CNBD1: variants seen among roughly 807,000 people sequenced by gnomAD.
The protein encoded by CNBD1 is cyclic nucleotide-binding domain-containing protein 1.
CNBD1 carries 71 observed loss-of-function variants against 54.4 expected under a neutral mutation model. That is an observed-to-expected ratio of 1.30 (90% CI 1.08 to 1.59). The LOEUF (loss-of-function observed/expected upper bound fraction) is 1.59. Among genes scored for constraint, CNBD1 ranks in the 40% most tolerant of loss-of-function variants. CNBD1 has a pLI of 0.00. For synonymous variants in CNBD1, 182 were observed against 170.7 expected (o/e 1.07, Z -0.51); for missense variants, 659 against 518.0 (o/e 1.27, Z -2.64).
chr8:87,228,739 C>G (rs1003475150), intron 5 of CNBD1, among the ~76,000 whole-genome samples: 1 of 151,980 alleles, frequency 6.6e-6, no homozygotes, highest in African/African-American at 2.4e-5. Context: ...CAGAGGCAGG[C>G]AGGCCTCCTT....
At chr8:86,925,469 G>A (rs183000338) in intron 3 of CNBD1, among the ~76,000 whole-genome samples, 114 of 147,482 alleles carry the variant, frequency 7.7e-4, no homozygotes, top group African/African-American at 2.8e-3. Context: ...AAATATATAC[G>A]GGCTTACCAA....
At chr8:86,889,266 A>G (rs779171521) in intron 2 of CNBD1, among the ~76,000 whole-genome samples, 12 of 152,318 alleles carry the variant, frequency 7.9e-5, no homozygotes, top group Non-Finnish European at 1.3e-4. Context: ...GAATGAGGAT[A>G]AAATTACAAC....
At position 87,420,005 on chromosome 8, in the gene CNBD1, C is replaced by A. The variant is rs1285840051; in HGVS notation, c.214-8541C>A. On this transcript the variant is annotated intron_variant, in intron 2 of 7. Coordinates refer to the CNBD1 transcript ENST00000521593. ...ATAGCAATATGTAAGTATATTGAAT[C>A]CAGAAATATATAGAAAGCACTATAC... Among the ~76,000 whole-genome samples the A allele has an allele frequency of 4.0e-5, 6 of 149,732 alleles. No homozygotes were observed. The East Asian group carries it at 1.2e-3, about 29-fold the overall frequency.
intron 4 of CNBD1, among the ~76,000 whole-genome samples, chr8:87,062,892 G>C (rs1423421675): frequency 6.6e-6 from 1 of 152,090 alleles, no homozygotes; most frequent in Non-Finnish European, 1.5e-5. Flanking sequence ...TAAAAAAAAA[G>C]TTAGGATTTT....
At chr8:87,352,478 C>CAAAA (rs386413278) in intron 9 of CNBD1, among the ~76,000 whole-genome samples, 16,618 of 107,188 alleles carry the variant, frequency 0.16, 2,190 homozygotes, top group African/African-American at 0.34. Flanking sequence ...GACTCTGTCT[C>CAAAA]AAAAAAAAAA....
At chr8:87,295,370 T>C (rs1342880769) in intron 8 of CNBD1, among the ~76,000 whole-genome samples, 2 of 151,740 alleles carry the variant, frequency 1.3e-5, no homozygotes, top group Non-Finnish European at 2.9e-5. Context: ...ATTAATAATA[T>C]GATAAATGTG....
intron 4 of CNBD1, among the ~76,000 whole-genome samples, chr8:87,056,998 CAA>C (rs900718556): frequency 2.0e-5 from 3 of 152,118 alleles, no homozygotes. Flanking sequence ...TGCTTCCAAC[CAA>C]AAGAGTGTGG....
intron 3 of CNBD1, among the ~76,000 whole-genome samples, chr8:86,909,706 A>C (rs893290592): frequency 2.6e-5 from 4 of 152,116 alleles, no homozygotes; most frequent in Non-Finnish European, 5.9e-5. Flanking sequence ...TACTCTCCAA[A>C]CTTTATTGTC....
At chr8:86,984,057 G>T (rs1279895013) in intron 4 of CNBD1, among the ~76,000 whole-genome samples, 1 of 152,152 alleles carries the variant, frequency 6.6e-6, no homozygotes, top group Non-Finnish European at 1.5e-5. Flanking sequence ...GGTTTCATGG[G>T]CTGGGCCCAG....
At chr8:87,379,261 G>T (rs893435021) in intron 10 of CNBD1, among the ~76,000 whole-genome samples, 1 of 151,920 alleles carries the variant, frequency 6.6e-6, no homozygotes, top group Admixed American at 6.6e-5. Flanking sequence ...AAGAGACTTA[G>T]ACTCCCACAC....
chr8:87,295,978 G>T (rs141396034), intron 8 of CNBD1, among the ~76,000 whole-genome samples: 197 of 151,900 alleles, frequency 1.3e-3, no homozygotes, highest in African/African-American at 4.6e-3. Context: ...CTTATGTTTC[G>T]CTATGAATAT....
In CNBD1 at chr8:87,350,570, G is replaced by C. The variant is rs547818931; in HGVS notation, c.1043-1115G>C. ...TGTGCTCTAATTTCTTTACTATTTT[G>C]GTAACATCAATAATTTTTATTATGT... On this transcript the variant is annotated intron_variant, in intron 8 of 10. Transcript: ENST00000518476. Among the ~76,000 whole-genome samples, 107 of 151,602 alleles carry C rather than the reference G, an allele frequency of 7.1e-4. 1 individual carries two copies. Among genetic ancestry groups the C allele is most frequent in the African/African-American group, 2.5e-3 (105 of 41,454 alleles).
At chr8:87,180,951 A>G (rs1272956199) in intron 4 of CNBD1, among the ~76,000 whole-genome samples, 1 of 152,160 alleles carries the variant, frequency 6.6e-6, no homozygotes, top group South Asian at 2.1e-4. Flanking sequence ...CAGATGGGCC[A>G]CCATCTCTGC....
At chr8:87,231,233 A>G (rs185616788) in intron 5 of CNBD1, among the ~76,000 whole-genome samples, 18 of 152,296 alleles carry the variant, frequency 1.2e-4, no homozygotes, top group Admixed American at 7.8e-4. Context: ...AACATATATT[A>G]CTTTGTAATG....
At chr8:87,106,989 C>T (rs760470925) in intron 4 of CNBD1, among the ~76,000 whole-genome samples, 5 of 151,916 alleles carry the variant, frequency 3.3e-5, no homozygotes, top group African/African-American at 4.8e-5. Flanking sequence ...CCACCGTGCC[C>T]GGCTAATTTT....
intron 3 of CNBD1, among the ~76,000 whole-genome samples, chr8:86,916,871 CTT>C (rs748549695): frequency 3.3e-4 from 45 of 134,496 alleles, no homozygotes; most frequent in African/African-American, 4.9e-4. Flanking sequence ...GCCCAGCTAA[CTT>C]TTTTTTTTTT....
intron 6 of CNBD1, among the ~76,000 whole-genome samples, chr8:87,278,251 T>C (rs1204037026): frequency 6.6e-6 from 1 of 151,598 alleles, no homozygotes; most frequent in Non-Finnish European, 1.5e-5. Flanking sequence ...ATAAGAAATA[T>C]AGTAGAAACA....
chr8:87,266,711 C>T (rs1406775146), intron 6 of CNBD1, among the ~76,000 whole-genome samples: 1 of 151,884 alleles, frequency 6.6e-6, no homozygotes, highest in African/African-American at 2.4e-5. Flanking sequence ...CTCGGTCTCC[C>T]AAAGTGCTGG....
intron 4 of CNBD1, among the ~76,000 whole-genome samples, chr8:86,965,581 C>CAA (rs200143757): frequency 6.7e-6 from 1 of 149,704 alleles, no homozygotes; most frequent in African/African-American, 2.5e-5. Context: ...TTAGAGACTC[C>CAA]AAAAAAAAAG....
Sources: gnomAD v4.1 joint callset for allele counts (sites outside exome capture counted in the v4.1 genomes callset) on GRCh38, gnomAD v4.1.1 for gene constraint, MANE v1.5 for transcripts, NCBI Gene and HGNC (gene_info 2026-07-23, HGNC 2026-07-21) for gene names.